EXOSC8: variants seen among roughly 807,000 people sequenced by gnomAD.
The protein encoded by EXOSC8 is exosome complex component RRP43.
A neutral mutation model predicts 39.9 loss-of-function variants in EXOSC8; 37 were observed. The ratio of observed to expected loss-of-function variants is 0.93; its 90% CI spans 0.71 to 1.22. The LOEUF (loss-of-function observed/expected upper bound fraction) is 1.22, where lower values mean the gene tolerates loss of function less well. Ranked by LOEUF, EXOSC8 falls within the 50% of genes most tolerant of loss-of-function variation. The pLI is 0.00. For synonymous variants in EXOSC8, 93 were observed against 109.5 expected (o/e 0.85, Z 0.94); for missense variants, 313 against 326.6 (o/e 0.96, Z 0.32).
intron 8 of EXOSC8, 72 bp from the exon 9 acceptor site, chr13:37,007,981 GAATT>G: frequency 9.1e-7 from 1 of 1,102,710 alleles, no homozygotes; most frequent in Non-Finnish European, 1.3e-6. Context: ...AGGGAAAGGT[GAATT>G]AAAAAAAAAA....
rs201694694 is a variant in EXOSC8 at position 37,003,012 on chromosome 13, G to C, written c.192+5G>C. ...GTAATCTGTGGAGTTAAAGCAGTAA[G>C]TCTAAATATGTCCTATTGAGATTTG... On this transcript the variant is annotated splice_donor_5th_base_variant and intron_variant, in intron 4 of 10. Transcript: ENST00000389704. 1.2e-4 allele frequency: 188 copies of C among 1,510,454 alleles called. No individual in the cohort carries two copies. Among genetic ancestry groups the C allele is most frequent in the Non-Finnish European group, 2.4e-5 (26 of 1,086,218 alleles). 93.6% of individuals were successfully genotyped at this position (1,510,454 alleles called of 1,614,324 possible). A position where few individuals can be genotyped will look rare whatever the true frequency, so the allele number is the denominator to read the frequency against.
intron 10 of EXOSC8, 105 bp downstream of exon 10, chr13:37,008,940 T>C: frequency 1.3e-6 from 1 of 793,910 alleles, no homozygotes; most frequent in East Asian, 2.7e-5. Context: ...ATTTACCTAA[T>C]TTTAGTATAG....
chr13:37,002,578 T>C (rs1380126642), intron 3 of EXOSC8, 27 bp downstream of exon 3: 2 of 1,460,660 alleles, frequency 1.4e-6, no homozygotes, highest in South Asian at 1.2e-5. Flanking sequence ...CACTTTCAAC[T>C]GTATGATATT....
intron 4 of EXOSC8, chr13:37,003,878 T>C (rs2059121731): frequency 6.6e-6 from 1 of 151,984 alleles, no homozygotes; most frequent in Admixed American, 6.6e-5. Context: ...ATTTGCTTTT[T>C]TTTTTTTTTT....
intron 4 of EXOSC8, 83 bp downstream of exon 4, chr13:37,003,090 C>G: frequency 1.2e-6 from 1 of 826,404 alleles, no homozygotes; most frequent in Non-Finnish European, 2.0e-6. Flanking sequence ...TGTAATTCTA[C>G]TCTTGATTTG....
intron 9 of EXOSC8, 26 bp downstream of exon 9, chr13:37,008,203 A>C (rs769788723): frequency 6.4e-7 from 1 of 1,568,460 alleles, no homozygotes; most frequent in African/African-American, 1.4e-5. Context: ...TTACTTTAAA[A>C]TTTTCTATAT....
intron 7 of EXOSC8, among the ~76,000 whole-genome samples, 159 bp from the exon 8 acceptor site, chr13:37,006,816 T>C (rs2059142025): frequency 6.6e-6 from 1 of 152,222 alleles, no homozygotes; most frequent in South Asian, 2.1e-4. Context: ...TGGTTTTCTA[T>C]AGAACTTTAA....
intron 9 of EXOSC8, among the ~76,000 whole-genome samples, chr13:37,008,394 A>G (rs1338057025): frequency 6.6e-6 from 1 of 152,178 alleles, no homozygotes; most frequent in African/African-American, 2.4e-5. Flanking sequence ...TTAATTTCCA[A>G]TTCTTTCACT....
chr13:37,004,280 A>AT, intron 4 of EXOSC8: 1 of 370,276 alleles, frequency 2.7e-6, no homozygotes, highest in Non-Finnish European at 4.8e-6. Context: ...CCCAGTTACT[A>AT]TTTTTTAAAA....
chr13:37,004,968 G>C (rs2059128718), intron 5 of EXOSC8, among the ~76,000 whole-genome samples: 1 of 152,156 alleles, frequency 6.6e-6, no homozygotes, highest in South Asian at 2.1e-4. Context: ...AATCAAGTTA[G>C]CTGGGTGTGC....
rs190197327 is a variant in EXOSC8, at chr13:37,007,812, T to A, written c.488-245T>A. On this transcript the variant is annotated intron_variant, in intron 8 of 10. Coordinates refer to ENST00000389704, the MANE Select transcript of EXOSC8 (RefSeq NM_181503.3). ...AAACAGTACCTGGCAGATATAAATT[T>A]AAAAAAAAATCATTGACTTCTTAAA... 2.7e-3 allele frequency among the ~76,000 whole-genome samples: 414 copies of A among 151,250 alleles called. 6 individuals carry two copies. Among genetic ancestry groups the A allele is most frequent in the Admixed American group, 0.021 (316 of 15,152 alleles).
At chr13:37,007,391 T>C (rs1185593847) in intron 8 of EXOSC8, among the ~76,000 whole-genome samples, 1 of 152,190 alleles carries the variant, frequency 6.6e-6, no homozygotes, top group Non-Finnish European at 1.5e-5. Flanking sequence ...TAGTTCTTTA[T>C]GTGATATTGC....
rs982009800 is a variant in EXOSC8, at chr13:37,002,529, C to G, written c.96C>G (p.Phe32Leu). 2 of 1,592,494 alleles carry G rather than the reference C, an allele frequency of 1.3e-6. No individual in the cohort carries two copies. Among genetic ancestry groups the G allele is most frequent in the East Asian group, 4.5e-5 (2 of 44,482 alleles). ...CRPDGRELGEFRTTTVNIGSI... is the reference protein window; with the variant it reads ...CRPDGRELGELRTTTVNIGSI... ...CTGATGGAAGAGAACTTGGTGAATT[C>G]AGAACCACAACTGTCAACATCGGTA... is the stretch of plus-strand genomic sequence containing the variant. The change falls in exon 3 of 11, where the codon TTC (phenylalanine) becomes TTG (leucine). Residue 32 changes from phenylalanine (F) to leucine (L), a missense_variant. Physicochemically the swap from Phe to Leu is conservative, Grantham distance 22 (BLOSUM62 0). Transcript: ENST00000389704.
At position 37,005,590 on chromosome 13, in the gene EXOSC8, G is replaced by A. The variant is rs778152366; in HGVS notation, c.239-330G>A. 3.3e-5 allele frequency among the ~76,000 whole-genome samples: 5 copies of A among 152,154 alleles called. 1 individual carries two copies. In the South Asian group the frequency reaches 6.2e-4, roughly 19 times the overall value. On this transcript the variant is annotated intron_variant, in intron 5 of 10. Transcript: ENST00000389704. ...ATCCATAAATTGAAAAGTTTAGGCC[G>A]GGCATGGTGGCTCACACCTGTAACC... is the stretch of plus-strand genomic sequence containing the variant.
chr13:37,009,090 C>T, intron 10 of EXOSC8, 94 bp from the exon 11 acceptor site: 2 of 822,898 alleles, frequency 2.4e-6, no homozygotes, highest in South Asian at 1.6e-5. Context: ...TTTACATTAT[C>T]CAATTTTTTT....
In EXOSC8 at chr13:37,002,946, C is replaced by G. The variant is rs1439980294; in HGVS notation, c.131C>G (p.Thr44Ser). ...TTTVNIGSIS[T>S]ADGSALVKLG... The stretch of plus-strand genomic sequence containing the variant: ...CTTATCTTTTCAGGTTCAATTAGTA[C>G]CGCAGATGGTTCTGCTTTAGTGAAG... Residue 44 changes from threonine (T) to serine (S), a missense_variant, in exon 4 of 11, where the codon ACC becomes AGC. Transcript: ENST00000389704. The G allele has an allele frequency of 8.1e-6, 13 of 1,609,100 alleles. No individual in the cohort carries two copies. The highest frequency in any genetic ancestry group is 1.1e-5 in the Non-Finnish European group (13 of 1,175,966).
At chr13:37,006,891 T>C (rs913471196) in intron 7 of EXOSC8, 84 bp from the exon 8 acceptor site, 2 of 804,164 alleles carry the variant, frequency 2.5e-6, no homozygotes, top group Non-Finnish European at 4.3e-6. Context: ...TAACCAAGGG[T>C]TCTGTGGTTC....
intron 7 of EXOSC8, 40 bp downstream of exon 7, chr13:37,006,200 G>T: frequency 6.9e-7 from 1 of 1,451,408 alleles, no homozygotes; most frequent in South Asian, 1.2e-5. Context: ...TATTAATTCT[G>T]AAGGGATTTT....
chr13:37,000,877 C>G, intron 1 of EXOSC8, 55 bp downstream of exon 1: 1 of 1,450,918 alleles, frequency 6.9e-7, no homozygotes, highest in Admixed American at 2.6e-5. Flanking sequence ...CGGCAGCTTC[C>G]TTTAACTCTT....
Sources: gnomAD v4.1 joint callset for allele counts (sites outside exome capture counted in the v4.1 genomes callset) on GRCh38, gnomAD v4.1.1 for gene constraint, MANE v1.5 for transcripts, NCBI Gene and HGNC (gene_info 2026-07-23, HGNC 2026-07-21) for gene names.